Variants in ATP8B4 observed in about 807,000 individuals in gnomAD.
The protein encoded by ATP8B4 is ATPase phospholipid transporting 8B4 (putative), also known as probable phospholipid-transporting ATPase IM.
A neutral mutation model predicts 145.6 loss-of-function variants in ATP8B4; 133 were observed. The observed-to-expected ratio is 0.91, with a 90% CI of 0.79 to 1.05. The LOEUF (loss-of-function observed/expected upper bound fraction) is 1.05. ATP8B4 is among the 50% of genes least tolerant of loss of function. ATP8B4 has a pLI of 0.00. For synonymous variants in ATP8B4, 507 were observed against 492.9 expected, an observed-to-expected ratio of 1.03 and a Z score of -0.38; for missense variants, 1,458 against 1,425.2, an observed-to-expected ratio of 1.02 and a Z score of -0.37.
At chr15:49,920,129 A>G in intron 18 of ATP8B4, 117 bp downstream of exon 18, 1 of 1,309,546 alleles carries the variant, frequency 7.6e-7, no homozygotes, top group East Asian at 2.3e-5. Context: ...CAGTGATTGA[A>G]AGAGAAACAT....
In ATP8B4 at chr15:49,972,605, C is replaced by T. The variant is rs116620124; in HGVS notation, c.1220G>A (p.Cys407Tyr). 7 of 1,613,438 alleles carry T rather than the reference C, an allele frequency of 4.3e-6. No homozygotes were observed. In the African/African-American group the frequency reaches 8.0e-5, roughly 18 times the overall value. ...ACCATAGATTCTCCCATTAATGGAA[C>T]ATCTTTTAAAGGTCATGATGTTTTG... ...LTQNIMTFKRCSINGRIYGEV... is the reference protein window; with the variant it reads ...LTQNIMTFKRYSINGRIYGEV... The change falls in exon 13 of 28, where the codon TGT becomes TAT. Residue 407 changes from cysteine (C) to tyrosine (Y), a missense_variant. Transcript: ENST00000284509.
Position 50,038,781 on chromosome 15 carries a change from G to A in ATP8B4, c.349C>T (p.Leu117Phe). The change falls in exon 6 of 28, where the codon CTC becomes TTC. Residue 117 changes from leucine to phenylalanine, a missense_variant. Physicochemically the swap from Leu to Phe is conservative, Grantham distance 22 (BLOSUM62 0). Transcript: ENST00000284509. ...NQVNNRQSEVLINSKLQNEKW... is the reference protein window; with the variant it reads ...NQVNNRQSEVFINSKLQNEKW... ...TGTATTTCTTACTTGCTGTTGATGA[G>A]CACTTCAGACTGCCGATTATTCACT... The A allele has an allele frequency of 1.2e-6, 2 of 1,612,922 alleles. No individual in the cohort carries two copies. The highest frequency in any genetic ancestry group is 1.7e-6 in the Non-Finnish European group (2 of 1,179,088).
Position 49,859,977 on chromosome 15 carries a change from C to G in ATP8B4, c.*217G>C. 1 of 509,208 alleles carries G rather than the reference C, an allele frequency of 2.0e-6. No homozygotes were observed. Among genetic ancestry groups the G allele is most frequent in the Non-Finnish European group, 3.3e-6 (1 of 300,476 alleles). 31.5% of individuals were successfully genotyped at this position (509,208 alleles called of 1,614,324 possible). A position where few individuals can be genotyped will look rare whatever the true frequency, so the allele number is the denominator to read the frequency against. ...GTACTTGTAACAGCGAGTGTTTTGT[C>G]CACCAAATCACAAACCAGACAGTGA... On this transcript the variant is annotated 3_prime_UTR_variant, in exon 28 of 28. Transcript: ENST00000284509.
At chr15:50,167,880 G>T (rs1249167756) in intron 1 of ATP8B4, among the ~76,000 whole-genome samples, 2 of 152,108 alleles carry the variant, frequency 1.3e-5, no homozygotes, top group Non-Finnish European at 1.5e-5. Flanking sequence ...ATTAATATGT[G>T]AGTAAATAAA....
intron 5 of ATP8B4, among the ~76,000 whole-genome samples, chr15:50,040,526 CA>C (rs2051194180): frequency 6.6e-6 from 1 of 152,200 alleles, no homozygotes; most frequent in East Asian, 1.9e-4. Context: ...TGAACTGGCA[CA>C]TAACATCACA....
intron 3 of ATP8B4, among the ~76,000 whole-genome samples, chr15:50,072,653 C>T (rs1389355910): frequency 1.3e-5 from 2 of 151,672 alleles, no homozygotes; most frequent in African/African-American, 4.8e-5. Flanking sequence ...ATGGAGTCTC[C>T]CTCTGTCACC....
intron 20 of ATP8B4, among the ~76,000 whole-genome samples, chr15:49,905,214 T>C (rs1356741658): frequency 1.3e-5 from 2 of 152,234 alleles, no homozygotes; most frequent in Non-Finnish European, 2.9e-5. Flanking sequence ...AAAAATTATA[T>C]ATCCATGTTT....
intron 9 of ATP8B4, among the ~76,000 whole-genome samples, chr15:49,994,664 T>C (rs2047283752): frequency 6.6e-6 from 1 of 151,786 alleles, no homozygotes; most frequent in Non-Finnish European, 1.5e-5. Flanking sequence ...GGATTGAGAG[T>C]GTAAGGAGTC....
intron 14 of ATP8B4, among the ~76,000 whole-genome samples, chr15:49,940,216 T>C (rs2042054842): frequency 6.6e-6 from 1 of 152,004 alleles, no homozygotes; most frequent in African/African-American, 2.4e-5. Flanking sequence ...TATACAGCCA[T>C]AAAAAAGAAT....
chr15:50,005,642 T>G (rs1255894722), intron 7 of ATP8B4, among the ~76,000 whole-genome samples: 14 of 152,150 alleles, frequency 9.2e-5, no homozygotes, highest in Non-Finnish European at 1.5e-5. Context: ...CCAAGAGACT[T>G]AACACAATCC....
chr15:49,988,270 T>C (rs2046787893), intron 9 of ATP8B4, among the ~76,000 whole-genome samples: 1 of 152,256 alleles, frequency 6.6e-6, no homozygotes, highest in East Asian at 1.9e-4. Flanking sequence ...AATATGAAAA[T>C]ATACATTCAG....
At chr15:49,996,521 CT>C (rs1467462915) in intron 9 of ATP8B4, among the ~76,000 whole-genome samples, 155 bp downstream of exon 9, 1 of 152,106 alleles carries the variant, frequency 6.6e-6, no homozygotes, top group Admixed American at 6.6e-5. Context: ...CATTTTTACT[CT>C]TTTTAGCGTG....
At chr15:49,950,847 A>G (rs1379635042) in intron 14 of ATP8B4, among the ~76,000 whole-genome samples, 2 of 152,146 alleles carry the variant, frequency 1.3e-5, no homozygotes, top group African/African-American at 2.4e-5. Flanking sequence ...AGTGCTATAA[A>G]TTTCCCTCTT....
intron 2 of ATP8B4, among the ~76,000 whole-genome samples, chr15:50,081,744 A>G (rs1567322550): frequency 6.6e-6 from 1 of 152,260 alleles, no homozygotes; most frequent in Non-Finnish European, 1.5e-5. Flanking sequence ...CACTAGACCC[A>G]CGAGCGATCA....
chr15:50,070,973 C>T (rs369546096), intron 3 of ATP8B4, among the ~76,000 whole-genome samples: 2 of 152,254 alleles, frequency 1.3e-5, no homozygotes, highest in African/African-American at 4.8e-5. Flanking sequence ...AAACTCCTGA[C>T]CTCGTGATCC....
intron 14 of ATP8B4, among the ~76,000 whole-genome samples, chr15:49,936,899 T>C (rs1434796698): frequency 1.3e-5 from 2 of 151,966 alleles, no homozygotes; most frequent in Non-Finnish European, 2.9e-5. Context: ...AGCCCTTCTA[T>C]TGAATGTTTT....
chr15:49,966,374 G>A (rs1445849865), intron 13 of ATP8B4, among the ~76,000 whole-genome samples: 1 of 152,208 alleles, frequency 6.6e-6, no homozygotes, highest in East Asian at 1.9e-4. Flanking sequence ...CCACTGGCTT[G>A]AAATTCTCAC....
At chr15:50,050,914 A>G (rs990161379) in intron 3 of ATP8B4, among the ~76,000 whole-genome samples, 2 of 152,184 alleles carry the variant, frequency 1.3e-5, no homozygotes, top group African/African-American at 4.8e-5. Context: ...AAATGAGGTT[A>G]GTTTGGGGTA....
chr15:50,060,781 G>C lies in ATP8B4; in HGVS notation c.88-13317C>G, dbSNP rs550954186. ...GTTAAAATGCAGTGATACACCTGGA[G>C]TTTTGTGGTGGGGCCCGAGAGTCTG... On this transcript the variant is annotated intron_variant, in intron 3 of 27. Transcript: ENST00000284509. Among the ~76,000 whole-genome samples the C allele has an allele frequency of 2.8e-3, 427 of 152,274 alleles. 2 individuals carry two copies. Among genetic ancestry groups the C allele is most frequent in the African/African-American group, 9.9e-3 (410 of 41,542 alleles).
Sources: allele counts gnomAD v4.1 joint callset (sites outside exome capture counted in the v4.1 genomes callset), GRCh38; gene constraint gnomAD v4.1.1; transcripts MANE v1.5; gene names NCBI Gene and HGNC (gene_info 2026-07-23, HGNC 2026-07-21).